Variants in CEP63 observed in about 807,000 individuals in gnomAD.
The protein encoded by CEP63 is centrosomal protein 63, also known as centrosomal protein of 63 kDa.
In CEP63, 84 loss-of-function variants were observed where a neutral mutation model predicts 89.1. The ratio of observed to expected loss-of-function variants is 0.94; its 90% CI spans 0.79 to 1.13. CEP63 has a LOEUF of 1.13. CEP63 is among the 50% of genes most tolerant of loss of function. The pLI is 0.00. For missense variants in CEP63, 838 were observed against 813.3 expected (o/e 1.03, Z -0.37); for synonymous variants, 267 against 272.5 (o/e 0.98, Z 0.20).
At chr3:134,576,273 C>T (rs1958210700), downstream of CEP63, among the ~76,000 whole-genome samples, 1 of 152,186 alleles carries the variant, frequency 6.6e-6, no homozygotes, top group Admixed American at 6.5e-5. Context: ...CTTAAACATA[C>T]ATGGGCTACT....
chr3:134,587,678 C>G (rs1020197761), exon 11 of CEP63, among the ~76,000 whole-genome samples: 1 of 152,116 alleles, frequency 6.6e-6, no homozygotes, highest in Admixed American at 6.5e-5. Flanking sequence ...AGGAGGCAGT[C>G]TGTCTGTTCT....
the CEP63 span, chr3:134,619,947 T>G: frequency 6.6e-6 from 1 of 152,440 alleles, no homozygotes; most frequent in East Asian, 1.9e-4. Flanking sequence ...TTGGACCTCC[T>G]ACCTGTGCCA....
At chr3:134,643,305 G>T in the CEP63 span, 1 of 1,613,458 alleles carries the variant, frequency 6.2e-7, no homozygotes. Context: ...GGCTAGCGGC[G>T]AATCACTTAC....
At chr3:134,659,556 T>C in the CEP63 span, among the ~76,000 whole-genome samples, 2 of 152,224 alleles carry the variant, frequency 1.3e-5, no homozygotes, top group Non-Finnish European at 2.9e-5. Flanking sequence ...CTAATGTGCT[T>C]GCCATTCTGC....
the CEP63 span, among the ~76,000 whole-genome samples, chr3:134,642,386 CCTGTGAGAATACT>C: frequency 6.6e-6 from 1 of 152,184 alleles, no homozygotes; most frequent in East Asian, 1.9e-4. Flanking sequence ...TATGGCTGAG[CCTGTGAGAATACT>C]CAGACACCAG....
intron 2 of CEP63, among the ~76,000 whole-genome samples, chr3:134,500,367 A>T (rs957214072): frequency 6.6e-6 from 1 of 152,080 alleles, no homozygotes; most frequent in Admixed American, 6.5e-5. Flanking sequence ...GGTTGGTTTC[A>T]TGTCTGCTAT....
At chr3:134,775,919 C>T in the CEP63 span, among the ~76,000 whole-genome samples, 253 of 152,228 alleles carry the variant, frequency 1.7e-3, 1 homozygote, top group Non-Finnish European at 1.6e-3. Flanking sequence ...TTTCTGCAGG[C>T]ACCCCTCCCG....
the CEP63 span, among the ~76,000 whole-genome samples, chr3:134,683,011 T>C: frequency 2.6e-5 from 4 of 152,198 alleles, no homozygotes; most frequent in South Asian, 8.3e-4. Context: ...TTCTGAAGAT[T>C]ATTGAACTGT....
At chr3:134,486,003 T>G, upstream of CEP63, 148 of 749,416 alleles carry the variant, frequency 2.0e-4, no homozygotes, top group Non-Finnish European at 2.1e-4. Context: ...CCCCCCCCCC[T>G]CCCCCGCATC....
chr3:134,740,231 T>G, the CEP63 span, among the ~76,000 whole-genome samples: 1 of 152,148 alleles, frequency 6.6e-6, no homozygotes, highest in African/African-American at 2.4e-5. Flanking sequence ...CATTGCATTT[T>G]GGGAAGTGGG....
the CEP63 span, among the ~76,000 whole-genome samples, chr3:134,612,332 G>A: frequency 3.9e-5 from 6 of 152,332 alleles, no homozygotes; most frequent in African/African-American, 1.4e-4. Context: ...AGCCACTCCA[G>A]GGCAGAAGGA....
the CEP63 span, among the ~76,000 whole-genome samples, chr3:134,748,336 A>G: frequency 2.6e-5 from 4 of 152,138 alleles, no homozygotes; most frequent in Admixed American, 2.6e-4. Context: ...TCAAACTAAT[A>G]TGTGTATTTA....
At chr3:134,515,553 C>T (rs993841992) in intron 3 of CEP63, among the ~76,000 whole-genome samples, 3 of 152,208 alleles carry the variant, frequency 2.0e-5, no homozygotes, top group Non-Finnish European at 2.9e-5. Context: ...GAAAGCATTA[C>T]TCAAGGTGAA....
chr3:134,647,728 G>C, the CEP63 span, among the ~76,000 whole-genome samples: 1 of 152,178 alleles, frequency 6.6e-6, no homozygotes, highest in Non-Finnish European at 1.5e-5. Context: ...GGTTATCAGG[G>C]TCATTTAGGG....
At chr3:134,538,531 G>GTATATATATATAAATATATATATATATA in intron 6 of CEP63, among the ~76,000 whole-genome samples, 1 of 99,680 alleles carries the variant, frequency 1.0e-5, no homozygotes. Context: ...TTGTGTGTGT[G>GTATATATATATAAATATATATATATATA]TGTATATATA....
At chr3:134,737,178 T>TA in the CEP63 span, among the ~76,000 whole-genome samples, 1 of 152,130 alleles carries the variant, frequency 6.6e-6, no homozygotes, top group Non-Finnish European at 1.5e-5. Flanking sequence ...AAACAAAAAT[T>TA]AAAAAACACA....
At chr3:134,561,036 T>C (rs1013890732) in intron 14 of CEP63, among the ~76,000 whole-genome samples, 1 of 152,228 alleles carries the variant, frequency 6.6e-6, no homozygotes, top group African/African-American at 2.4e-5. Flanking sequence ...AAAATAAAAG[T>C]GACATACTTA....
chr3:134,762,185 T>A, the CEP63 span, among the ~76,000 whole-genome samples: 398 of 152,250 alleles, frequency 2.6e-3, 1 homozygote, highest in African/African-American at 8.8e-3. Flanking sequence ...GTTCAGACTC[T>A]AAAATATCAG....
chr3:134,499,818 A>ATCT (rs1941395930), intron 2 of CEP63, among the ~76,000 whole-genome samples: 4 of 78,768 alleles, frequency 5.1e-5, no homozygotes, highest in African/African-American at 1.8e-4. Context: ...TCCCATCTTC[A>ATCT]TCTTTTTTTT....
Sources: allele counts gnomAD v4.1 joint callset (sites outside exome capture counted in the v4.1 genomes callset), GRCh38; gene constraint gnomAD v4.1.1; transcripts MANE v1.5; gene names NCBI Gene and HGNC (gene_info 2026-07-23, HGNC 2026-07-21).